NKAIN3: variants seen among roughly 807,000 people sequenced by gnomAD.
NKAIN3 encodes the protein sodium/potassium transporting ATPase interacting 3, also known as sodium/potassium-transporting ATPase subunit beta-1-interacting protein 3.
Under a neutral mutation model 30.2 loss-of-function variants are expected in NKAIN3, and 25 were observed. The ratio of observed to expected loss-of-function variants is 0.83; its 90% CI spans 0.60 to 1.16. NKAIN3 has a LOEUF of 1.16. NKAIN3 is among the 50% of genes most tolerant of loss of function. The pLI is 0.00. For missense variants in NKAIN3, 225 were observed against 254.1 expected, an observed-to-expected ratio of 0.89 and a Z score of 0.78; for synonymous variants, 91 against 89.6, an observed-to-expected ratio of 1.02 and a Z score of -0.09.
chr8:62,629,338 A>G (rs951282456), intron 3 of NKAIN3, among the ~76,000 whole-genome samples: 2 of 152,080 alleles, frequency 1.3e-5, no homozygotes, highest in African/African-American at 4.8e-5. Context: ...TAGCCGCTCT[A>G]TGGCTCAGTT....
chr8:62,685,214 T>A (rs972444488), intron 3 of NKAIN3, among the ~76,000 whole-genome samples: 2 of 152,172 alleles, frequency 1.3e-5, no homozygotes, highest in African/African-American at 4.8e-5. Flanking sequence ...GGGGAATATA[T>A]AGTTTAAACT....
intron 3 of NKAIN3, among the ~76,000 whole-genome samples, chr8:62,601,651 G>T (rs1233572673): frequency 6.6e-6 from 1 of 151,964 alleles, no homozygotes; most frequent in Non-Finnish European, 1.5e-5. Flanking sequence ...GTGAGTATCT[G>T]CCCACTTATT....
intron 1 of NKAIN3, among the ~76,000 whole-genome samples, chr8:62,338,818 A>G (rs1815648200): frequency 6.6e-6 from 1 of 151,966 alleles, no homozygotes; most frequent in Non-Finnish European, 1.5e-5. Flanking sequence ...TGCCTGCTTT[A>G]TATTCTAGCC....
chr8:62,696,863 TTGAAGCAA>T (rs1322599704), intron 3 of NKAIN3, among the ~76,000 whole-genome samples: 1 of 152,182 alleles, frequency 6.6e-6, no homozygotes, highest in Non-Finnish European at 1.5e-5. Flanking sequence ...TACTATCTGA[TTGAAGCAA>T]GGTGAAATAA....
At chr8:62,530,939 C>G (rs1485966053) in intron 1 of NKAIN3, among the ~76,000 whole-genome samples, 1 of 152,162 alleles carries the variant, frequency 6.6e-6, no homozygotes, top group Non-Finnish European at 1.5e-5. Context: ...ACCACCGTGC[C>G]TGGCCCACTT....
intron 6 of NKAIN3, among the ~76,000 whole-genome samples, chr8:62,956,913 G>A (rs976725123): frequency 3.3e-5 from 5 of 152,328 alleles, no homozygotes; most frequent in South Asian, 2.1e-4. Flanking sequence ...CTCGCTTAGC[G>A]AGGAAAGGCT....
rs928388207 is a variant in NKAIN3, at chr8:62,969,948, G to A, written c.*4541G>A. On this transcript the variant is annotated 3_prime_UTR_variant, in exon 7 of 7. Coordinates refer to ENST00000623646, the MANE Select transcript of NKAIN3 (RefSeq NM_001304533.3). ...AGTGGCTCATGCCTGTAATCCCAAA[G>A]CTTTGGGAAGTTGAGATGAAAGAAT... 2.0e-5 allele frequency among the ~76,000 whole-genome samples: 3 copies of A among 152,060 alleles called. No homozygotes were observed. Among genetic ancestry groups the A allele is most frequent in the Admixed American group, 6.6e-5 (1 of 15,250 alleles).
At chr8:62,534,013 A>G (rs775688150) in intron 1 of NKAIN3, among the ~76,000 whole-genome samples, 36 of 152,134 alleles carry the variant, frequency 2.4e-4, no homozygotes, top group African/African-American at 7.2e-4. Flanking sequence ...TTCAGACGCA[A>G]CATTACCATG....
At chr8:62,456,634 T>G (rs139412046) in intron 1 of NKAIN3, among the ~76,000 whole-genome samples, 71 of 152,332 alleles carry the variant, frequency 4.7e-4, no homozygotes, top group African/African-American at 1.6e-3. Flanking sequence ...GCCTTGGCCT[T>G]TTCCCCAACA....
At chr8:62,838,056 G>T (rs1043270566) in intron 4 of NKAIN3, among the ~76,000 whole-genome samples, 7 of 151,960 alleles carry the variant, frequency 4.6e-5, no homozygotes, top group Middle Eastern at 6.8e-3. Context: ...TAGAGAGGAA[G>T]TACTTAAGTC....
At chr8:62,618,052 G>A (rs936616) in intron 3 of NKAIN3, among the ~76,000 whole-genome samples, 41,000 of 152,056 alleles carry the variant, frequency 0.27, 6,214 homozygotes, top group African/African-American at 0.41. Context: ...ATATTCTCAC[G>A]GTTCTGTCAT....
intron 4 of NKAIN3, among the ~76,000 whole-genome samples, chr8:62,917,257 T>C (rs1041693225): frequency 5.3e-5 from 8 of 152,110 alleles, no homozygotes; most frequent in African/African-American, 1.9e-4. Flanking sequence ...CAAGTGTGAG[T>C]TGGGTGCCAA....
chr8:62,295,986 A>C (rs919626236), intron 1 of NKAIN3, among the ~76,000 whole-genome samples: 1 of 152,230 alleles, frequency 6.6e-6, no homozygotes, highest in African/African-American at 2.4e-5. Flanking sequence ...ACATCAGCAA[A>C]TAAAGCTAGT....
intron 4 of NKAIN3, among the ~76,000 whole-genome samples, chr8:62,765,030 G>T (rs773783148): frequency 6.6e-6 from 1 of 152,066 alleles, no homozygotes; most frequent in African/African-American, 2.4e-5. Context: ...AGATCACGAG[G>T]TCAGGAGCTC....
At chr8:62,274,200 A>T (rs1315037603) in intron 1 of NKAIN3, among the ~76,000 whole-genome samples, 2 of 152,188 alleles carry the variant, frequency 1.3e-5, no homozygotes, top group East Asian at 3.8e-4. Flanking sequence ...GATAGCTTGC[A>T]CCACACACAT....
intron 1 of NKAIN3, among the ~76,000 whole-genome samples, chr8:62,408,318 G>T (rs1288414993): frequency 1.3e-5 from 2 of 151,864 alleles, no homozygotes; most frequent in African/African-American, 4.8e-5. Flanking sequence ...TCCATCTAGG[G>T]CCAATAGTTG....
chr8:62,529,318 T>A (rs1200601570), intron 1 of NKAIN3, among the ~76,000 whole-genome samples: 1 of 152,198 alleles, frequency 6.6e-6, no homozygotes, highest in African/African-American at 2.4e-5. Context: ...TTTTGACAAA[T>A]CTCACTGACA....
At chr8:62,708,194 C>T (rs771414358) in intron 3 of NKAIN3, among the ~76,000 whole-genome samples, 6 of 152,008 alleles carry the variant, frequency 3.9e-5, no homozygotes, top group Admixed American at 1.3e-4. Context: ...CTTAGTCTTG[C>T]TTTGGCTATG....
intron 5 of NKAIN3, among the ~76,000 whole-genome samples, chr8:62,931,982 A>G (rs768533883): frequency 6.6e-6 from 1 of 152,126 alleles, no homozygotes; most frequent in African/African-American, 2.4e-5. Flanking sequence ...TATTTCTCTC[A>G]TATCTTTTCT....
Sources: allele counts gnomAD v4.1 joint callset (sites outside exome capture counted in the v4.1 genomes callset), GRCh38; gene constraint gnomAD v4.1.1; transcripts MANE v1.5; gene names NCBI Gene and HGNC (gene_info 2026-07-23, HGNC 2026-07-21).